TEX9: variants seen among roughly 807,000 people sequenced by gnomAD.
The protein encoded by TEX9 is testis-expressed protein 9.
A neutral mutation model predicts 59.6 loss-of-function variants in TEX9; 74 were observed. The observed-to-expected ratio is 1.24, with a 90% confidence interval of 1.03 to 1.51. TEX9 has a LOEUF of 1.51. TEX9 is among the 40% of genes most tolerant of loss of function. The pLI, the probability that TEX9 is intolerant of heterozygous loss-of-function variation, is 0.00. For synonymous variants in TEX9, 186 were observed against 152.2 expected (o/e 1.22, Z -1.64); for missense variants, 522 against 447.8 (o/e 1.17, Z -1.49).
intron 1 of TEX9, among the ~76,000 whole-genome samples, chr15:56,333,182 C>G (rs1222623944): frequency 2.0e-5 from 3 of 152,044 alleles, no homozygotes; most frequent in Non-Finnish European, 2.9e-5. Flanking sequence ...CAGTGTTACC[C>G]TGACACCAAA....
chr15:56,304,227 G>A (rs184871957), intron 1 of TEX9, among the ~76,000 whole-genome samples: 28 of 152,208 alleles, frequency 1.8e-4, no homozygotes, highest in Non-Finnish European at 3.7e-4. Flanking sequence ...CAATTTGGAC[G>A]CCCTTTATTT....
intron 10 of TEX9, among the ~76,000 whole-genome samples, chr15:56,422,489 A>G (rs2050030061): frequency 6.6e-6 from 1 of 151,526 alleles, no homozygotes; most frequent in African/African-American, 2.4e-5. Context: ...TATGCATTTC[A>G]GCATTTGTTA....
At chr15:56,303,746 T>A (rs2045414103) in intron 1 of TEX9, among the ~76,000 whole-genome samples, 1 of 151,442 alleles carries the variant, frequency 6.6e-6, no homozygotes, top group Non-Finnish European at 1.5e-5. Context: ...GAAAAGAAAA[T>A]TTACAAACCT....
intron 1 of TEX9, among the ~76,000 whole-genome samples, chr15:56,296,160 C>T (rs2045213331): frequency 6.6e-6 from 1 of 152,338 alleles, no homozygotes; most frequent in Admixed American, 6.5e-5. Context: ...ATACAAGCAT[C>T]AGCTGCTAAG....
intron 10 of TEX9, among the ~76,000 whole-genome samples, chr15:56,425,993 T>G (rs2050220673): frequency 6.6e-6 from 1 of 152,180 alleles, no homozygotes; most frequent in Non-Finnish European, 1.5e-5. Flanking sequence ...AATGTCCTAA[T>G]TACCTAAAAA....
At chr15:56,457,813 C>T in the TEX9 span, among the ~76,000 whole-genome samples, 1 of 150,102 alleles carries the variant, frequency 6.7e-6, no homozygotes, top group Non-Finnish European at 1.5e-5. Flanking sequence ...GACCCTGTCT[C>T]TTAAAAAAAA....
chr15:56,393,227 G>T (rs1417189248), intron 7 of TEX9, among the ~76,000 whole-genome samples: 11 of 152,018 alleles, frequency 7.2e-5, no homozygotes, highest in Non-Finnish European at 4.4e-5. Flanking sequence ...TTTTTAATTT[G>T]TCATTTCCCT....
intron 8 of TEX9, 129 bp downstream of exon 8, chr15:56,394,376 A>T (rs542695863): frequency 3.8e-6 from 3 of 781,124 alleles, no homozygotes; most frequent in African/African-American, 1.8e-5. Flanking sequence ...AAAATTGTAT[A>T]TAAGTACTGA....
intron 1 of TEX9, among the ~76,000 whole-genome samples, chr15:56,344,444 T>C (rs186353996): frequency 5.1e-4 from 77 of 152,284 alleles, no homozygotes; most frequent in African/African-American, 1.8e-3. Flanking sequence ...ATTCCATTTA[T>C]ATAAAATTTC....
At chr15:56,428,382 G>T in exon 12 of TEX9, 1 of 1,611,540 alleles carries the variant, frequency 6.2e-7, no homozygotes, top group South Asian at 1.1e-5. Flanking sequence ...TATTGAAGCT[G>T]CCAAGATGCT....
At chr15:56,347,472 A>G (rs1200633374) in intron 1 of TEX9, among the ~76,000 whole-genome samples, 1 of 152,052 alleles carries the variant, frequency 6.6e-6, no homozygotes, top group Non-Finnish European at 1.5e-5. Context: ...AAGCAATTAA[A>G]TGGGATAAAT....
intron 9 of TEX9, among the ~76,000 whole-genome samples, chr15:56,404,662 A>G (rs1338740935): frequency 6.6e-6 from 1 of 152,168 alleles, no homozygotes; most frequent in Non-Finnish European, 1.5e-5. Context: ...AAATCATGCT[A>G]CTATAAAGAC....
chr15:56,317,677 A>G (rs1472297723), intron 1 of TEX9, among the ~76,000 whole-genome samples: 1 of 152,154 alleles, frequency 6.6e-6, no homozygotes, highest in Non-Finnish European at 1.5e-5. Context: ...GACATTTCTA[A>G]GTACAGCTTA....
chr15:56,262,084 T>G (rs528353650), intron 1 of TEX9, among the ~76,000 whole-genome samples: 2 of 152,116 alleles, frequency 1.3e-5, no homozygotes, highest in Non-Finnish European at 2.9e-5. Flanking sequence ...CTACAGAAAC[T>G]TGGTACTAGG....
At chr15:56,363,145 G>T (rs2046820396), upstream of TEX9, among the ~76,000 whole-genome samples, 1 of 152,110 alleles carries the variant, frequency 6.6e-6, no homozygotes, top group South Asian at 2.1e-4. Flanking sequence ...GTAACTCTGT[G>T]TATAAACTAT....
At chr15:56,422,068 T>C (rs1484009676) in intron 10 of TEX9, among the ~76,000 whole-genome samples, 1 of 126,256 alleles carries the variant, frequency 7.9e-6, no homozygotes, top group East Asian at 2.4e-4. Flanking sequence ...GTTGAACTAG[T>C]TTACAGTCCC....
the TEX9 span, among the ~76,000 whole-genome samples, chr15:56,455,537 A>C: frequency 2.6e-5 from 4 of 152,184 alleles, no homozygotes; most frequent in Admixed American, 6.5e-5. Context: ...TTAAGATAAA[A>C]TGTAACAACT....
At chr15:56,371,095 C>T (rs1567103972) in intron 2 of TEX9, among the ~76,000 whole-genome samples, 1 of 152,112 alleles carries the variant, frequency 6.6e-6, no homozygotes, top group Non-Finnish European at 1.5e-5. Context: ...AAGTGATCCT[C>T]CCTCCACCTC....
chr15:56,332,993 A>T (rs2046183991), intron 1 of TEX9, among the ~76,000 whole-genome samples: 1 of 152,230 alleles, frequency 6.6e-6, no homozygotes, highest in Admixed American at 6.5e-5. Context: ...ACTTAAACAT[A>T]TCAATAACAA....
Sources: gnomAD v4.1 joint callset for allele counts (sites outside exome capture counted in the v4.1 genomes callset) on GRCh38, gnomAD v4.1.1 for gene constraint, MANE v1.5 for transcripts, NCBI Gene and HGNC (gene_info 2026-07-23, HGNC 2026-07-21) for gene names.